ZNF600: variants seen among roughly 807,000 people sequenced by gnomAD.
The protein encoded by ZNF600 is zinc finger protein 600, also known as zinc finger protein KR-ZNF1.
Under a neutral mutation model 7.3 loss-of-function variants are expected in ZNF600, and 4 were observed. That is an observed-to-expected ratio of 0.55 (90% CI 0.27 to 1.25). The LOEUF (loss-of-function observed/expected upper bound fraction) is 1.25, where lower values mean the gene tolerates loss of function less well. ZNF600 is among the 50% of genes most tolerant of loss of function. The probability of loss-of-function intolerance (pLI) is 0.12; values close to 1 mark genes in which losing one functional copy is unlikely to be tolerated. For synonymous variants in ZNF600, 290 were observed against 308.9 expected (o/e 0.94, Z 0.64); for missense variants, 911 against 922.1 (o/e 0.99, Z 0.16).
At chr19:52,764,915 G>A (rs1009158801) in exon 4 of ZNF600, 4 of 170,214 alleles carry the variant, frequency 2.3e-5, no homozygotes, top group African/African-American at 9.6e-5. Flanking sequence ...CAAAAAACAG[G>A]CTGGGAAAAG....
At chr19:52,813,312 G>A in the ZNF600 span, among the ~76,000 whole-genome samples, 1 of 140,450 alleles carries the variant, frequency 7.1e-6, no homozygotes, top group Non-Finnish European at 1.5e-5. Context: ...ACAAACTGCT[G>A]AGGAGGGACC....
At chr19:52,778,954 C>G (rs1395528910) in intron 1 of ZNF600, 47 bp from the exon 4 acceptor site, 1 of 1,533,734 alleles carries the variant, frequency 6.5e-7, no homozygotes, top group Non-Finnish European at 8.8e-7. Context: ...TGACTCACTC[C>G]CATCCTGTGA....
chr19:52,820,558 C>T, the ZNF600 span, among the ~76,000 whole-genome samples: 17 of 151,964 alleles, frequency 1.1e-4, no homozygotes, highest in African/African-American at 3.6e-4. Context: ...AGTCTGGCAC[C>T]CCAGATCCCC....
intron 3 of ZNF600, among the ~76,000 whole-genome samples, chr19:52,768,826 T>C (rs1421098312): frequency 1.3e-5 from 2 of 152,166 alleles, no homozygotes; most frequent in African/African-American, 4.8e-5. Flanking sequence ...ACAAGAGTTA[T>C]ACTAGATCTA....
the ZNF600 span, chr19:52,818,007 T>A: frequency 5.6e-6 from 9 of 1,609,382 alleles, no homozygotes; most frequent in Non-Finnish European, 4.2e-6. Flanking sequence ...CTTCCTCACG[T>A]ACCAAGATTC....
chr19:52,825,109 C>T, the ZNF600 span, among the ~76,000 whole-genome samples: 1 of 151,958 alleles, frequency 6.6e-6, no homozygotes, highest in Non-Finnish European at 1.5e-5. Context: ...GGAATCTTCC[C>T]AGATCTAAGA....
the ZNF600 span, among the ~76,000 whole-genome samples, chr19:52,813,729 G>T: frequency 4.8e-5 from 7 of 145,466 alleles, 2 homozygotes; most frequent in Non-Finnish European, 7.4e-5. Context: ...GGTTTCTGCA[G>T]CCAGAAGATC....
the ZNF600 span, among the ~76,000 whole-genome samples, chr19:52,828,870 T>C: frequency 6.6e-6 from 1 of 152,194 alleles, no homozygotes; most frequent in Non-Finnish European, 1.5e-5. Context: ...TTTCTTTATT[T>C]ATTTTTTTGA....
At chr19:52,813,132 A>G in the ZNF600 span, among the ~76,000 whole-genome samples, 3 of 151,632 alleles carry the variant, frequency 2.0e-5, no homozygotes, top group African/African-American at 7.3e-5. Context: ...ATACTTTTGC[A>G]TGTATTTAAA....
chr19:52,809,860 C>A, the ZNF600 span: 1 of 648,352 alleles, frequency 1.5e-6, no homozygotes, highest in Non-Finnish European at 2.7e-6. Flanking sequence ...GGCAGTAGCA[C>A]TGGGCCTGCG....
the ZNF600 span, among the ~76,000 whole-genome samples, chr19:52,831,338 GTCAC>G: frequency 3.3e-5 from 5 of 151,924 alleles, no homozygotes; most frequent in East Asian, 9.7e-4. Context: ...GAGATGGAGT[GTCAC>G]TCTATTGCTC....
At chr19:52,813,249 G>GAA in the ZNF600 span, among the ~76,000 whole-genome samples, 701 of 62,976 alleles carry the variant, frequency 0.011, 44 homozygotes, top group Non-Finnish European at 0.012. Flanking sequence ...CTTGAATGGT[G>GAA]AAAAAAAAAA....
At chr19:52,809,912 C>G in the ZNF600 span, 1 of 836,512 alleles carries the variant, frequency 1.2e-6, no homozygotes, top group Non-Finnish European at 2.0e-6. Flanking sequence ...ATCTTGTGCC[C>G]GGGGCCGGTG....
chr19:52,802,781 G>T, the ZNF600 span, among the ~76,000 whole-genome samples: 16 of 120,860 alleles, frequency 1.3e-4, 1 homozygote, highest in Admixed American at 3.5e-4. Flanking sequence ...TTTTTTTTGC[G>T]ACGAAATCTT....
At chr19:52,826,660 C>T in the ZNF600 span, among the ~76,000 whole-genome samples, 1 of 151,700 alleles carries the variant, frequency 6.6e-6, no homozygotes, top group African/African-American at 2.4e-5. Flanking sequence ...GAGCCGAGAC[C>T]ACACCAATGC....
At chr19:52,821,242 A>G in the ZNF600 span, among the ~76,000 whole-genome samples, 8 of 152,098 alleles carry the variant, frequency 5.3e-5, no homozygotes, top group Admixed American at 1.3e-4. Flanking sequence ...GGAACCCAGG[A>G]GGATGAGGCT....
At chr19:52,828,551 C>G in the ZNF600 span, among the ~76,000 whole-genome samples, 1 of 152,120 alleles carries the variant, frequency 6.6e-6, no homozygotes, top group African/African-American at 2.4e-5. Context: ...CCAGGCCATA[C>G]AGCAATTCTA....
At chr19:52,792,532 G>A in the ZNF600 span, among the ~76,000 whole-genome samples, 346 of 151,988 alleles carry the variant, frequency 2.3e-3, 17 homozygotes, top group Admixed American at 0.022. Context: ...CAGCCTGGGC[G>A]ACAAAACGAG....
the ZNF600 span, among the ~76,000 whole-genome samples, chr19:52,828,787 C>T: frequency 7.2e-5 from 11 of 152,184 alleles, 1 homozygote; most frequent in African/African-American, 2.7e-4. Context: ...CCTGCAGATT[C>T]GGCCTTTCAG....
Sources: gnomAD v4.1 joint callset for allele counts (sites outside exome capture counted in the v4.1 genomes callset) on GRCh38, gnomAD v4.1.1 for gene constraint, MANE v1.5 for transcripts, NCBI Gene and HGNC (gene_info 2026-07-23, HGNC 2026-07-21) for gene names.